Variants in TUFT1 observed in about 807,000 individuals in gnomAD.
The protein encoded by TUFT1 is tuftelin 1, also known as tuftelin.
In TUFT1, 43 loss-of-function variants were observed where a neutral mutation model predicts 57.8. That is an observed-to-expected ratio of 0.74 (90% CI 0.58 to 0.96). The LOEUF (loss-of-function observed/expected upper bound fraction) is 0.96, where lower values mean the gene tolerates loss of function less well. TUFT1 is among the 40% of genes least tolerant of loss of function. TUFT1 has a pLI of 0.00. For missense variants in TUFT1, 459 were observed against 489.0 expected (o/e 0.94, Z 0.58); for synonymous variants, 166 against 176.7 (o/e 0.94, Z 0.48).
At chr1:151,572,454 G>A (rs1452073123) in intron 7 of TUFT1, among the ~76,000 whole-genome samples, 3 of 151,838 alleles carry the variant, frequency 2.0e-5, no homozygotes, top group Non-Finnish European at 4.4e-5. Context: ...ATCAACCTAG[G>A]TGCAGTGTTT....
intron 1 of TUFT1, among the ~76,000 whole-genome samples, chr1:151,559,832 C>T (rs753234348): frequency 3.9e-5 from 6 of 151,982 alleles, no homozygotes; most frequent in Non-Finnish European, 5.9e-5. Flanking sequence ...CTCACTCTGT[C>T]GTCCAGGCTG....
Position 151,574,508 on chromosome 1 carries a change from G to C in TUFT1, c.723+110G>C. 3 of 1,389,270 alleles carry C rather than the reference G, an allele frequency of 2.2e-6. No homozygotes were observed. In the South Asian group the frequency reaches 4.1e-5, roughly 19 times the overall value. The allele number at this position is 1,389,270 out of a possible 1,614,324, so 86.1% of individuals were successfully genotyped here. On this transcript the variant is annotated intron_variant, in intron 8 of 12. Transcript: ENST00000368849. ...TTCTTTTCCAAGCCTCTCCAGAAAA[G>C]CACACTTCGCACCTTCCTTTGGCAG... is the stretch of plus-strand genomic sequence containing the variant.
intron 1 of TUFT1, among the ~76,000 whole-genome samples, chr1:151,549,113 G>T (rs1213004609): frequency 6.6e-6 from 1 of 152,142 alleles, no homozygotes; most frequent in African/African-American, 2.4e-5. Flanking sequence ...TGTTTATGAG[G>T]TTAGAGGCTG....
At position 151,575,018 on chromosome 1, in the gene TUFT1, C is replaced by T; in HGVS notation, c.818+13C>T. 1.3e-6 allele frequency: 2 copies of T among 1,553,136 alleles called. No homozygotes were observed. Among genetic ancestry groups the T allele is most frequent in the Non-Finnish European group, 1.7e-6 (2 of 1,147,600 alleles). On this transcript the variant is annotated intron_variant, in intron 9 of 12. Transcript: ENST00000368849. ...CAGAACGAGAAAAGTAAGGGCTTGG[C>T]TCTTGTTCACGGTGAAGTTGGGTTG...
intron 2 of TUFT1, 73 bp downstream of exon 2, chr1:151,562,238 G>C (rs953437810): frequency 2.2e-6 from 3 of 1,368,392 alleles, no homozygotes; most frequent in Non-Finnish European, 2.1e-6. Flanking sequence ...TCTTACCCAA[G>C]TACTGCCTGG....
At chr1:151,563,274 C>A (rs1665957781) in intron 3 of TUFT1, among the ~76,000 whole-genome samples, 1 of 152,074 alleles carries the variant, frequency 6.6e-6, no homozygotes, top group Non-Finnish European at 1.5e-5. Context: ...ATATAAATCC[C>A]ATACCACATG....
chr1:151,562,061 G>C lies in TUFT1; in HGVS notation c.61-30G>C, dbSNP rs1665913913. ...GTACCTGTAGACTGTAAAGTTGAGG[G>C]GTTATTGTTGCTGTCATTGTCATTA... On this transcript the variant is annotated intron_variant, in intron 1 of 12. Coordinates refer to ENST00000368849, the MANE Select transcript of TUFT1 (RefSeq NM_020127.3). 20 of 1,608,390 alleles carry C rather than the reference G, an allele frequency of 1.2e-5. 1 individual carries two copies. Among genetic ancestry groups the C allele is most frequent in the Non-Finnish European group, 1.5e-5 (18 of 1,174,946 alleles).
intron 1 of TUFT1, among the ~76,000 whole-genome samples, chr1:151,559,382 A>G (rs146122719): frequency 1.9e-4 from 29 of 152,322 alleles, no homozygotes; most frequent in African/African-American, 6.7e-4. Context: ...TGTGTTTCCC[A>G]CAGGATGCGG....
intron 1 of TUFT1, chr1:151,546,010 T>C (rs572303788): frequency 2.0e-4 from 53 of 264,386 alleles, no homozygotes; most frequent in Admixed American, 1.5e-3. Flanking sequence ...TTTCTTTTTT[T>C]TTTTTTTCTA....
intron 1 of TUFT1, chr1:151,561,529 C>T (rs2102535960): frequency 2.1e-6 from 2 of 963,770 alleles, no homozygotes; most frequent in South Asian, 9.7e-5. Flanking sequence ...TGAAAGAAAA[C>T]CTGCTTCATT....
intron 1 of TUFT1, 101 bp from the exon 2 acceptor site, chr1:151,561,990 C>G: frequency 1.4e-6 from 2 of 1,479,266 alleles, no homozygotes; most frequent in African/African-American, 1.4e-5. Context: ...ATGATAAGAC[C>G]CGCTCCACAG....
intron 3 of TUFT1, among the ~76,000 whole-genome samples, 160 bp downstream of exon 3, chr1:151,562,846 T>A (rs777617854): frequency 5.4e-4 from 83 of 152,308 alleles, no homozygotes; most frequent in Non-Finnish European, 2.1e-4. Flanking sequence ...AATATCTTAA[T>A]TAATACCAGG....
Position 151,582,302 on chromosome 1 carries a change from G to A in TUFT1, c.*595G>A. On this transcript the variant is annotated 3_prime_UTR_variant, in exon 13 of 13. Coordinates refer to ENST00000368849, the MANE Select transcript of TUFT1 (RefSeq NM_020127.3). ...ACCTAAGCTTTGACTGGGTGGCCTT[G>A]TCTTTCTGGGGAGGAGGGAATGTAC... 2.3e-6 allele frequency: 1 copy of A among 440,864 alleles called. No individual in the cohort carries two copies. Among genetic ancestry groups the A allele is most frequent in the Non-Finnish European group, 4.6e-6 (1 of 218,868 alleles). 27.3% of individuals were successfully genotyped at this position (440,864 alleles called of 1,614,324 possible).
At chr1:151,546,341 C>A (rs920131311) in intron 1 of TUFT1, among the ~76,000 whole-genome samples, 2 of 152,154 alleles carry the variant, frequency 1.3e-5, no homozygotes, top group East Asian at 3.8e-4. Flanking sequence ...TGAAGCCTTA[C>A]CATGAGCTTC....
chr1:151,562,496 A>G, intron 2 of TUFT1, 89 bp from the exon 3 acceptor site: 2 of 1,146,494 alleles, frequency 1.7e-6, no homozygotes, highest in Non-Finnish European at 1.3e-6. Context: ...GGTCTTCTGC[A>G]TTAGCTGAGG....
intron 1 of TUFT1, among the ~76,000 whole-genome samples, chr1:151,546,289 G>A (rs550833637): frequency 1.6e-4 from 24 of 152,076 alleles, no homozygotes; most frequent in African/African-American, 5.8e-4. Flanking sequence ...TCTTTCCAGA[G>A]CCTCACTCTC....
rs1406962367 is a variant in TUFT1 at position 151,540,434 on chromosome 1, A to G, written c.60+8A>G. On this transcript the variant is annotated splice_region_variant and intron_variant, in intron 1 of 12. Coordinates refer to ENST00000368849, the MANE Select transcript of TUFT1 (RefSeq NM_020127.3). Reference sequence around the variant, plus strand: ...CCAGAGGACCAGGCGGCGGTAAGAAAAAGCGCTCTCGCTGTCTTCTCCGTT... The same window carrying G: ...CCAGAGGACCAGGCGGCGGTAAGAAGAAGCGCTCTCGCTGTCTTCTCCGTT... The G allele has an allele frequency of 6.2e-7, 1 of 1,614,094 alleles. No homozygotes were observed. The highest frequency in any genetic ancestry group is 8.5e-7 in the Non-Finnish European group (1 of 1,179,950).
At chr1:151,566,118 T>G in intron 5 of TUFT1, 45 bp from the exon 6 acceptor site, 1 of 1,415,504 alleles carries the variant, frequency 7.1e-7, no homozygotes, top group Admixed American at 2.0e-5. Flanking sequence ...CAAAGTTGGT[T>G]GCTTTCATCT....
Position 151,579,711 on chromosome 1 carries a change from A to T in TUFT1, c.987A>T (p.Lys329Asn). The change falls in exon 11 of 13, where the codon AAA (lysine) becomes AAT (asparagine). Residue 329 changes from lysine (K) to asparagine (N), a missense_variant. Lys to Asn is a moderately conservative substitution (Grantham distance 94). Coordinates refer to ENST00000368849, the MANE Select transcript of TUFT1 (RefSeq NM_020127.3). Reference protein sequence around the residue: ...KDATIQELKEKIAYLEAENLE... With the variant: ...KDATIQELKENIAYLEAENLE... Reference sequence around the variant, plus strand: ...CCACCATCCAGGAGCTCAAGGAGAAAATCGCCTATCTGGAGGCAGAGGTGT... The same window carrying T: ...CCACCATCCAGGAGCTCAAGGAGAATATCGCCTATCTGGAGGCAGAGGTGT... 6.2e-7 allele frequency: 1 copy of T among 1,613,964 alleles called. No individual in the cohort carries two copies. The highest frequency in any genetic ancestry group is 8.5e-7 in the Non-Finnish European group (1 of 1,179,960).
Sources: gnomAD v4.1 joint callset for allele counts (sites outside exome capture counted in the v4.1 genomes callset) on GRCh38, gnomAD v4.1.1 for gene constraint, MANE v1.5 for transcripts, NCBI Gene and HGNC (gene_info 2026-07-23, HGNC 2026-07-21) for gene names.